Variants in XYLT1 observed in about 807,000 individuals in gnomAD.
XYLT1 encodes xylosyltransferase 1.
In XYLT1, 36 loss-of-function variants were observed where a neutral mutation model predicts 91.3. The ratio of observed to expected loss-of-function variants is 0.39; its 90% CI spans 0.30 to 0.52. The LOEUF is 0.52. Ranked by LOEUF, XYLT1 falls within the 20% of genes least tolerant of loss-of-function variation. XYLT1 has a pLI of 0.68. For missense variants in XYLT1, 1,242 were observed against 1,284.5 expected, an observed-to-expected ratio of 0.97 and a Z score of 0.51; for synonymous variants, 588 against 532.0, an observed-to-expected ratio of 1.11 and a Z score of -1.45.
chr16:17,242,099 C>A (rs1306297918), intron 3 of XYLT1, among the ~76,000 whole-genome samples: 1 of 152,192 alleles, frequency 6.6e-6, no homozygotes, highest in Non-Finnish European at 1.5e-5. Flanking sequence ...CCCCGTGATT[C>A]AATTACCTCC....
At chr16:17,458,312 C>A (rs1260689347) in intron 1 of XYLT1, among the ~76,000 whole-genome samples, 1 of 152,094 alleles carries the variant, frequency 6.6e-6, no homozygotes, top group Admixed American at 6.6e-5. Context: ...ATTTGGGGAC[C>A]CATTCATCAT....
chr16:17,221,462 G>A (rs1239620663), intron 3 of XYLT1, among the ~76,000 whole-genome samples: 1 of 152,164 alleles, frequency 6.6e-6, no homozygotes, highest in Non-Finnish European at 1.5e-5. Context: ...AGAACAGGTT[G>A]AGACTCAAGA....
intron 1 of XYLT1, among the ~76,000 whole-genome samples, chr16:17,460,823 T>G (rs891523587): frequency 7.9e-5 from 12 of 152,324 alleles, no homozygotes; most frequent in Admixed American, 5.9e-4. Flanking sequence ...TAACACACCG[T>G]GTGGACAAAA....
intron 2 of XYLT1, among the ~76,000 whole-genome samples, chr16:17,344,298 C>G (rs4781998): frequency 6.8e-6 from 1 of 147,920 alleles, no homozygotes; most frequent in East Asian, 2.0e-4. Flanking sequence ...CTGGCTAACA[C>G]GGTGAAACCC....
At chr16:17,195,604 C>T (rs1441735328) in intron 5 of XYLT1, among the ~76,000 whole-genome samples, 1 of 152,102 alleles carries the variant, frequency 6.6e-6, no homozygotes, top group Non-Finnish European at 1.5e-5. Flanking sequence ...CACCACCATG[C>T]CCGGCTCATT....
At chr16:17,177,873 C>G (rs1407268284) in intron 5 of XYLT1, among the ~76,000 whole-genome samples, 1 of 152,214 alleles carries the variant, frequency 6.6e-6, no homozygotes, top group African/African-American at 2.4e-5. Context: ...CATTAGTCAG[C>G]AACTTGCCTG....
At chr16:17,387,208 G>A (rs1312732614) in intron 1 of XYLT1, among the ~76,000 whole-genome samples, 1 of 152,100 alleles carries the variant, frequency 6.6e-6, no homozygotes, top group Non-Finnish European at 1.5e-5. Flanking sequence ...CCTCTTATCT[G>A]TACCTCCCTA....
At chr16:17,366,224 A>G (rs774753766) in intron 1 of XYLT1, among the ~76,000 whole-genome samples, 1 of 152,212 alleles carries the variant, frequency 6.6e-6, no homozygotes, top group Non-Finnish European at 1.5e-5. Flanking sequence ...GCAAGAAAAC[A>G]GCTCCAGACT....
At chr16:17,336,123 G>A (rs1006107557) in intron 2 of XYLT1, among the ~76,000 whole-genome samples, 9 of 152,186 alleles carry the variant, frequency 5.9e-5, no homozygotes, top group Non-Finnish European at 8.8e-5. Context: ...TGGATGGAGG[G>A]CAGAGCGTGG....
At chr16:17,258,846 A>G in intron 3 of XYLT1, 142 bp downstream of exon 3, 1 of 1,082,704 alleles carries the variant, frequency 9.2e-7, no homozygotes, top group Non-Finnish European at 1.2e-6. Context: ...ACTAGAACAC[A>G]TCAGATCTCG....
intron 8 of XYLT1, among the ~76,000 whole-genome samples, chr16:17,135,760 G>A (rs1236898349): frequency 6.6e-6 from 1 of 152,122 alleles, no homozygotes; most frequent in Non-Finnish European, 1.5e-5. Context: ...AAGCTACCAG[G>A]TGTTATACTT....
At chr16:17,139,798 G>A (rs368084959) in intron 7 of XYLT1, among the ~76,000 whole-genome samples, 2 of 152,288 alleles carry the variant, frequency 1.3e-5, no homozygotes, top group East Asian at 1.9e-4. Context: ...TGCTGAAATA[G>A]GATTAAAAGC....
chr16:17,268,647 T>C (rs1376024520), intron 2 of XYLT1, among the ~76,000 whole-genome samples: 1 of 151,472 alleles, frequency 6.6e-6, no homozygotes, highest in Non-Finnish European at 1.5e-5. Flanking sequence ...CAGATAGAAA[T>C]CGAAGTTGAG....
intron 3 of XYLT1, among the ~76,000 whole-genome samples, chr16:17,237,938 C>A (rs891974153): frequency 2.6e-5 from 4 of 152,236 alleles, no homozygotes; most frequent in African/African-American, 9.6e-5. Context: ...GGTCATTGTT[C>A]ATGCATTAGC....
intron 10 of XYLT1, among the ~76,000 whole-genome samples, chr16:17,118,705 G>A (rs937921210): frequency 6.6e-6 from 1 of 152,074 alleles, no homozygotes; most frequent in Non-Finnish European, 1.5e-5. Context: ...TCTATATCCT[G>A]TAGTCAGAAA....
intron 2 of XYLT1, among the ~76,000 whole-genome samples, chr16:17,260,765 C>A (rs1205040963): frequency 6.6e-6 from 1 of 152,182 alleles, no homozygotes; most frequent in African/African-American, 2.4e-5. Flanking sequence ...TGAATAGTTG[C>A]AATAGAAACT....
At chr16:17,445,294 C>T (rs2036578245) in intron 1 of XYLT1, among the ~76,000 whole-genome samples, 1 of 152,248 alleles carries the variant, frequency 6.6e-6, no homozygotes, top group African/African-American at 2.4e-5. Flanking sequence ...CACTTGTTCA[C>T]TGATACGTCC....
intron 2 of XYLT1, 73 bp downstream of exon 2, chr16:17,357,939 C>A: frequency 6.5e-7 from 1 of 1,550,182 alleles, no homozygotes; most frequent in Non-Finnish European, 8.8e-7. Flanking sequence ...CCTTTCAGAG[C>A]CACGGGACAA....
intron 6 of XYLT1, among the ~76,000 whole-genome samples, chr16:17,150,419 A>AT (rs2031254718): frequency 1.3e-5 from 2 of 152,350 alleles, no homozygotes; most frequent in Non-Finnish European, 1.5e-5. Context: ...ATGGTTTTAA[A>AT]TAAAATGGAC....
Sources: gnomAD v4.1 joint callset for allele counts (sites outside exome capture counted in the v4.1 genomes callset) on GRCh38, gnomAD v4.1.1 for gene constraint, MANE v1.5 for transcripts, NCBI Gene and HGNC (gene_info 2026-07-23, HGNC 2026-07-21) for gene names.